The following SGK3 variants were observed in gnomAD, a reference collection of about 807,000 sequenced individuals.
SGK3 encodes the protein serine/threonine-protein kinase Sgk3.
A neutral mutation model predicts 68.5 loss-of-function variants in SGK3; 47 were observed. That is an observed-to-expected ratio of 0.69 (90% confidence interval 0.54 to 0.87). The LOEUF is 0.87. Ranked by LOEUF, SGK3 falls within the 40% of genes least tolerant of loss-of-function variation. SGK3 has a pLI of 0.00. For missense variants in SGK3, 479 were observed against 575.5 expected, an observed-to-expected ratio of 0.83 and a Z score of 1.72; for synonymous variants, 181 against 189.1, an observed-to-expected ratio of 0.96 and a Z score of 0.35.
intron 1 of SGK3, among the ~76,000 whole-genome samples, chr8:66,737,863 A>G (rs1396425918): frequency 6.6e-6 from 1 of 151,840 alleles, no homozygotes; most frequent in Non-Finnish European, 1.5e-5. Flanking sequence ...CCATCCGCCC[A>G]CCTTGGCCTC....
chr8:66,848,530 C>G (rs552888215), intron 15 of SGK3, among the ~76,000 whole-genome samples: 2 of 152,164 alleles, frequency 1.3e-5, no homozygotes, highest in Non-Finnish European at 2.9e-5. Flanking sequence ...ACTTAGCTTC[C>G]TGCTATCAAA....
chr8:66,727,686 T>A (rs1418487598), intron 1 of SGK3, among the ~76,000 whole-genome samples: 1 of 152,214 alleles, frequency 6.6e-6, no homozygotes, highest in African/African-American at 2.4e-5. Context: ...TTGCCCTTTC[T>A]ACCTTCCTCC....
chr8:66,855,683 A>C (rs1346547068), intron 16 of SGK3, among the ~76,000 whole-genome samples: 1 of 152,234 alleles, frequency 6.6e-6, no homozygotes, highest in Admixed American at 6.5e-5. Flanking sequence ...ACATAGACAA[A>C]AGACAGAAAA....
chr8:66,769,318 G>T (rs1487010342), intron 1 of SGK3, among the ~76,000 whole-genome samples: 1 of 152,086 alleles, frequency 6.6e-6, no homozygotes, highest in Non-Finnish European at 1.5e-5. Context: ...CTACCTCCTG[G>T]GTTCAGGTGA....
Position 66,847,344 on chromosome 8 carries a change from A to G in SGK3, c.1226A>G (p.Asp409Gly), listed in dbSNP as rs1279607748. ...CAAAATCGACTTGGTGCCAAGGAAG[A>G]CTTTGTATGTAACAGCTTTTCTAGC... ...DRQNRLGAKE[D>G]FLEIQNHPFF... The change falls in exon 15 of 17, where the codon GAC becomes GGC. Residue 409 changes from aspartate to glycine, a missense_variant. Physicochemically the swap from Asp to Gly is moderately conservative, Grantham distance 94. Transcript: ENST00000521198. 1 of 1,612,088 alleles carries G rather than the reference A, an allele frequency of 6.2e-7. No individual in the cohort carries two copies.
intron 8 of SGK3, among the ~76,000 whole-genome samples, chr8:66,834,906 C>G (rs989597739): frequency 6.7e-6 from 1 of 148,928 alleles, no homozygotes; most frequent in Non-Finnish European, 1.5e-5. Context: ...CGCCACTGCA[C>G]TCCAGCCTGG....
chr8:66,778,413 C>T (rs1239742710), intron 1 of SGK3, among the ~76,000 whole-genome samples: 1 of 152,210 alleles, frequency 6.6e-6, no homozygotes. Context: ...TCTCCTGCCT[C>T]AGAATCCGGA....
intron 1 of SGK3, among the ~76,000 whole-genome samples, chr8:66,730,079 A>C (rs1326891035): frequency 1.3e-5 from 2 of 151,922 alleles, no homozygotes; most frequent in African/African-American, 2.4e-5. Flanking sequence ...TTACAATCTC[A>C]CCAGTAATGT....
rs772975224 is a variant in SGK3, at chr8:66,843,448, A to G, written c.979-4A>G. On this transcript the variant is annotated splice_polypyrimidine_tract_variant and splice_region_variant and intron_variant, in intron 13 of 16. Coordinates refer to ENST00000521198, the MANE Select transcript of SGK3 (RefSeq NM_001033578.3). ...TTGCTCTAATATTTTATTGTTTTCT[A>G]TAGTATCTTGCACCTGAAGTAATTA... The G allele has an allele frequency of 2.5e-6, 4 of 1,611,070 alleles. No individual in the cohort carries two copies. The highest frequency in any genetic ancestry group is 2.2e-5 in the East Asian group (1 of 44,854).
chr8:66,763,665 C>T (rs1420750956), intron 1 of SGK3, among the ~76,000 whole-genome samples: 1 of 151,698 alleles, frequency 6.6e-6, no homozygotes, highest in Non-Finnish European at 1.5e-5. Context: ...TATTTATGTA[C>T]ACATAAAATA....
intron 1 of SGK3, chr8:66,767,744 A>C (rs748156072): frequency 6.4e-7 from 1 of 1,566,290 alleles, no homozygotes; most frequent in South Asian, 1.1e-5. Flanking sequence ...TTGGCAGAAA[A>C]GCTTGGCTGT....
At chr8:66,774,246 A>C (rs1458420836) in intron 1 of SGK3, among the ~76,000 whole-genome samples, 1 of 152,104 alleles carries the variant, frequency 6.6e-6, no homozygotes, top group African/African-American at 2.4e-5. Context: ...TTATTTTCTG[A>C]AATTTTTGTA....
rs202027478 is a variant in SGK3 at position 66,760,335 on chromosome 8, T to TC, written c.-121-33281_-121-33280insC. 4.2e-3 allele frequency among the ~76,000 whole-genome samples: 487 copies of TC among 116,914 alleles called. 6 individuals carry two copies. The highest frequency in any genetic ancestry group is 0.022 in the African/African-American group (467 of 20,950). The allele number at this position is 116,914 out of a possible 152,430, so 76.7% of individuals were successfully genotyped here. A position where few individuals can be genotyped will look rare whatever the true frequency, so the allele number is the denominator to read the frequency against. ...CTTTGTTCATTTTCTTTTTTCTTTT[T>TC]TTTTTTTTTTTTTTTTTGAGACGGA... On this transcript the variant is annotated intron_variant, in intron 1 of 16. Transcript: ENST00000521198.
At chr8:66,715,145 A>C (rs1015835148) in intron 1 of SGK3, among the ~76,000 whole-genome samples, 13 of 152,230 alleles carry the variant, frequency 8.5e-5, no homozygotes, top group Admixed American at 7.9e-4. Context: ...TGGTTTTTGA[A>C]AAAGAAAATA....
chr8:66,810,203 C>T (rs929721407), intron 4 of SGK3, among the ~76,000 whole-genome samples: 2 of 149,698 alleles, frequency 1.3e-5, no homozygotes, highest in African/African-American at 4.9e-5. Context: ...TAGAAATACA[C>T]ACTGATTTAT....
intron 1 of SGK3, among the ~76,000 whole-genome samples, chr8:66,784,851 A>G (rs1807135003): frequency 6.6e-6 from 1 of 152,162 alleles, no homozygotes; most frequent in Non-Finnish European, 1.5e-5. Context: ...TTTTAAGTCT[A>G]TGGATGCTTT....
At position 66,813,931 on chromosome 8, in the gene SGK3, A is replaced by G. The variant is rs201791120; in HGVS notation, c.329+3A>G. 2 of 1,582,562 alleles carry G rather than the reference A, an allele frequency of 1.3e-6. No individual in the cohort carries two copies. Among genetic ancestry groups the G allele is most frequent in the East Asian group, 2.3e-5 (1 of 43,080 alleles). On this transcript the variant is annotated splice_donor_region_variant and intron_variant, in intron 5 of 16. Coordinates refer to ENST00000521198, the MANE Select transcript of SGK3 (RefSeq NM_001033578.3). Reference sequence around the variant, plus strand: ...AGGTATCCAGAACTTTATAACCAGTAAGTAATTTTTGTTGCGTTCTAAAGG... The same window carrying G: ...AGGTATCCAGAACTTTATAACCAGTGAGTAATTTTTGTTGCGTTCTAAAGG...
intron 1 of SGK3, among the ~76,000 whole-genome samples, chr8:66,742,559 G>T (rs1427470006): frequency 3.9e-5 from 6 of 152,070 alleles, no homozygotes; most frequent in Non-Finnish European, 7.4e-5. Context: ...TAAAGATGAG[G>T]TCTCACTGTG....
At chr8:66,749,644 C>A (rs1215325579) in intron 1 of SGK3, among the ~76,000 whole-genome samples, 1 of 151,970 alleles carries the variant, frequency 6.6e-6, no homozygotes, top group African/African-American at 2.4e-5. Flanking sequence ...TGGTTCAAAT[C>A]AGTGGTTTGA....
Sources: allele counts gnomAD v4.1 joint callset (sites outside exome capture counted in the v4.1 genomes callset), GRCh38; gene constraint gnomAD v4.1.1; transcripts MANE v1.5; gene names NCBI Gene and HGNC (gene_info 2026-07-23, HGNC 2026-07-21).